Variants in CSRNP3 observed in about 807,000 individuals in gnomAD.
CSRNP3 encodes cysteine and serine rich nuclear protein 3.
CSRNP3 carries 12 observed loss-of-function variants against 48.0 expected under a neutral mutation model. The ratio of observed to expected loss-of-function variants is 0.25; its 90% CI spans 0.16 to 0.41. The LOEUF (loss-of-function observed/expected upper bound fraction) is 0.41, where lower values mean the gene tolerates loss of function less well. Among genes scored for constraint, CSRNP3 ranks in the 10% least tolerant of loss-of-function variants. The probability of loss-of-function intolerance (pLI) is 1.00; values close to 1 mark genes in which losing one functional copy is unlikely to be tolerated. For missense variants in CSRNP3, 580 were observed against 724.4 expected (o/e 0.80, Z 2.29); for synonymous variants, 263 against 269.7 (o/e 0.98, Z 0.24).
At chr2:165,577,830 A>T (rs145339733) in intron 3 of CSRNP3, among the ~76,000 whole-genome samples, 19 of 152,030 alleles carry the variant, frequency 1.2e-4, no homozygotes, top group Admixed American at 7.2e-4. Context: ...AATCACTTTG[A>T]CTTTCCTGGA....
chr2:165,664,839 C>CA (rs200325995), intron 5 of CSRNP3, among the ~76,000 whole-genome samples: 3,121 of 151,758 alleles, frequency 0.021, 54 homozygotes, highest in Middle Eastern at 0.048. Flanking sequence ...TGGTGGTAAG[C>CA]AAAAAACAAA....
intron 2 of CSRNP3, among the ~76,000 whole-genome samples, chr2:165,505,144 T>TG (rs765760305): frequency 1.3e-5 from 2 of 152,138 alleles, no homozygotes; most frequent in Non-Finnish European, 2.9e-5. Flanking sequence ...AAAATGTTTC[T>TG]TGACAAGTAA....
rs1687599270 is a variant in CSRNP3 at position 165,684,566 on chromosome 2, CTCTATATTAGG to C, written c.*4818_*4828del. 1 of 152,010 alleles carries C rather than the reference CTCTATATTAGG, an allele frequency of 6.6e-6. No individual in the cohort carries two copies. The highest frequency in any genetic ancestry group is 1.5e-5 in the Non-Finnish European group (1 of 67,992). 9.4% of individuals were successfully genotyped at this position (152,010 alleles called of 1,614,324 possible). ...AACCCAAAGTTTAAAGGCTTGATTA[CTCTATATTAGG>C]TCTAATATGAATTTTCACCTTCTGA... On this transcript the variant is annotated 3_prime_UTR_variant, in exon 7 of 7. Transcript: ENST00000651982.
At chr2:165,480,250 C>G (rs950386091) in intron 1 of CSRNP3, among the ~76,000 whole-genome samples, 1 of 152,180 alleles carries the variant, frequency 6.6e-6, no homozygotes, top group Non-Finnish European at 1.5e-5. Context: ...GTGATTAGGT[C>G]AAGCCCACCC....
At chr2:165,489,925 A>G (rs1375028135) in intron 1 of CSRNP3, among the ~76,000 whole-genome samples, 2 of 150,742 alleles carry the variant, frequency 1.3e-5, no homozygotes, top group East Asian at 3.9e-4. Flanking sequence ...CCTATTCAAC[A>G]TAGTGTTGGA....
intron 5 of CSRNP3, among the ~76,000 whole-genome samples, chr2:165,665,775 A>AGGAGAGAGAGAGAG (rs1687171026): frequency 7.6e-6 from 1 of 131,196 alleles, no homozygotes; most frequent in Non-Finnish European, 1.6e-5. Context: ...AAAAGAAAGA[A>AGGAGAGAGAGAGAG]AGAGAGAGAG....
intron 1 of CSRNP3, among the ~76,000 whole-genome samples, chr2:165,473,732 A>T (rs796879214): frequency 2.0e-5 from 3 of 152,170 alleles, no homozygotes; most frequent in African/African-American, 7.2e-5. Context: ...ACATATCTCA[A>T]TGAATCAGTT....
chr2:165,522,564 T>C (rs1476895810), intron 3 of CSRNP3, among the ~76,000 whole-genome samples: 2 of 151,916 alleles, frequency 1.3e-5, no homozygotes, highest in Non-Finnish European at 2.9e-5. Context: ...GTAACCTGAC[T>C]TCACCCCTAA....
chr2:165,473,083 C>A (rs913799890), intron 1 of CSRNP3, among the ~76,000 whole-genome samples: 1 of 152,032 alleles, frequency 6.6e-6, no homozygotes, highest in East Asian at 1.9e-4. Flanking sequence ...CTATTTAAGG[C>A]ACAACCAAAA....
At chr2:165,638,415 C>T (rs543248589) in intron 4 of CSRNP3, among the ~76,000 whole-genome samples, 5 of 151,852 alleles carry the variant, frequency 3.3e-5, no homozygotes, top group Admixed American at 1.3e-4. Flanking sequence ...GAGCTGAGAT[C>T]GTGCCATTGC....
At position 165,679,053 on chromosome 2, in the gene CSRNP3, G is replaced by T; in HGVS notation, c.1058G>T (p.Cys353Phe). ...EEEEEDGSSF[C>F]SGVTDSSTQS... ...GAAGAGGAGGATGGGAGCAGCTTTT[G>T]CAGCGGAGTCACAGATTCTAGCACG... is the stretch of plus-strand genomic sequence containing the variant. Residue 353 changes from cysteine (C) to phenylalanine (F), a missense_variant, in exon 7 of 7, where the codon TGC (cysteine) becomes TTC (phenylalanine). Physicochemically the swap from Cys to Phe is radical, Grantham distance 205. Around this residue, in one of 4 missense-constraint regions of CSRNP3, gnomAD observed 369 missense variants for 380.8 expected, o/e 0.97. Coordinates refer to ENST00000651982, the MANE Select transcript of CSRNP3 (RefSeq NM_001172173.2). The T allele has an allele frequency of 6.2e-7, 1 of 1,613,886 alleles. No individual in the cohort carries two copies. Among genetic ancestry groups the T allele is most frequent in the Non-Finnish European group, 8.5e-7 (1 of 1,179,970 alleles).
chr2:165,584,331 C>T (rs1180657730), intron 3 of CSRNP3, among the ~76,000 whole-genome samples: 2 of 152,074 alleles, frequency 1.3e-5, no homozygotes, highest in Admixed American at 1.3e-4. Flanking sequence ...AAGATGGGGT[C>T]GCTCTGCTTT....
intron 3 of CSRNP3, among the ~76,000 whole-genome samples, chr2:165,586,449 G>A (rs1685635919): frequency 6.6e-6 from 1 of 152,194 alleles, no homozygotes; most frequent in Admixed American, 6.5e-5. Context: ...AGATTTCTCA[G>A]TTAAGGTTGA....
At position 165,494,741 on chromosome 2, in the gene CSRNP3, C is replaced by A; in HGVS notation, c.-282-18C>A. 1 of 190,652 alleles carries A rather than the reference C, an allele frequency of 5.2e-6. No homozygotes were observed. 11.8% of individuals were successfully genotyped at this position (190,652 alleles called of 1,614,324 possible). On this transcript the variant is annotated intron_variant, in intron 1 of 6. Transcript: ENST00000651982. Reference sequence around the variant, plus strand: ...AGCCAAATATTTCAATGCTTCATTGCTCCTGTTCCTGTTACAGGTACATGT... The same window carrying A: ...AGCCAAATATTTCAATGCTTCATTGATCCTGTTCCTGTTACAGGTACATGT...
At chr2:165,668,476 A>G (rs1474491661) in intron 5 of CSRNP3, among the ~76,000 whole-genome samples, 2 of 139,424 alleles carry the variant, frequency 1.4e-5, no homozygotes, top group Non-Finnish European at 3.0e-5. Context: ...ATCTCAGCTC[A>G]CTGCAACCTC....
intron 2 of CSRNP3, among the ~76,000 whole-genome samples, chr2:165,505,618 C>T (rs1684414902): frequency 6.6e-6 from 1 of 152,134 alleles, no homozygotes; most frequent in Non-Finnish European, 1.5e-5. Flanking sequence ...GATTACCAGA[C>T]ATGAATCAAG....
chr2:165,671,393 G>A (rs72881637), intron 5 of CSRNP3, among the ~76,000 whole-genome samples: 153 of 152,284 alleles, frequency 1.0e-3, no homozygotes, highest in South Asian at 7.0e-3. Flanking sequence ...TGGCTGGGAG[G>A]CCTCTCAACC....
Position 165,642,103 on chromosome 2 carries a change from A to AACACACAC in CSRNP3, c.149-15621_149-15614dup, listed in dbSNP as rs58624766. On this transcript the variant is annotated intron_variant, in intron 4 of 6. Transcript: ENST00000651982. ...TAGTACCTGAGAATACACACACACA[A>AACACACAC]ACACACACACACACACACACACACA... Among the ~76,000 whole-genome samples the AACACACAC allele has an allele frequency of 1.4e-3, 184 of 132,196 alleles. 2 individuals carry two copies. The South Asian group carries it at 0.023, about 16-fold the overall frequency. The allele number at this position is 132,196 out of a possible 152,430, so 86.7% of individuals were successfully genotyped here.
At chr2:165,539,596 A>G (rs1391347329) in intron 3 of CSRNP3, among the ~76,000 whole-genome samples, 1 of 152,070 alleles carries the variant, frequency 6.6e-6, no homozygotes, top group Non-Finnish European at 1.5e-5. Flanking sequence ...GCTGATGTAT[A>G]AAAAGATGCT....
Sources: gnomAD v4.1 joint callset for allele counts (sites outside exome capture counted in the v4.1 genomes callset) on GRCh38, gnomAD v4.1.1 for gene constraint, gnomAD v4.1.1 regional missense constraint, MANE v1.5 for transcripts, NCBI Gene and HGNC (gene_info 2026-07-23, HGNC 2026-07-21) for gene names.